The following CDH13 variants were observed in gnomAD, a reference collection of about 807,000 sequenced individuals.
CDH13 encodes cadherin 13.
A neutral mutation model predicts 63.8 loss-of-function variants in CDH13; 24 were observed. The observed-to-expected ratio is 0.38, with a 90% CI of 0.27 to 0.53. The LOEUF (loss-of-function observed/expected upper bound fraction) is 0.53, where lower values mean the gene tolerates loss of function less well. Among genes scored for constraint, CDH13 ranks in the 20% least tolerant of loss-of-function variants. The pLI, the probability that CDH13 is intolerant of heterozygous loss-of-function variation, is 0.85. For missense variants in CDH13, 1,049 were observed against 903.1 expected (o/e 1.16, Z -2.07); for synonymous variants, 503 against 355.3 (o/e 1.42, Z -4.67).
intron 2 of CDH13, among the ~76,000 whole-genome samples, chr16:83,031,201 G>T (rs1481977471): frequency 6.8e-6 from 1 of 146,954 alleles, no homozygotes; most frequent in African/African-American, 2.5e-5. Context: ...ATATACATGC[G>T]CATGTATACA....
intron 5 of CDH13, among the ~76,000 whole-genome samples, chr16:83,265,185 C>A (rs1309645485): frequency 6.6e-6 from 1 of 152,124 alleles, no homozygotes; most frequent in Non-Finnish European, 1.5e-5. Flanking sequence ...TATTTCTGCT[C>A]TAGTTTCTTC....
At chr16:83,081,309 A>G (rs1182889995) in intron 3 of CDH13, among the ~76,000 whole-genome samples, 1 of 152,168 alleles carries the variant, frequency 6.6e-6, no homozygotes, top group Non-Finnish European at 1.5e-5. Context: ...AATGGGATAG[A>G]CATGGTCTAT....
intron 6 of CDH13, among the ~76,000 whole-genome samples, chr16:83,369,212 A>T (rs903568579): frequency 1.3e-5 from 2 of 151,934 alleles, no homozygotes; most frequent in African/African-American, 4.8e-5. Context: ...ATGAAAAAAT[A>T]ATAGATGCGG....
intron 3 of CDH13, among the ~76,000 whole-genome samples, chr16:83,062,254 G>T (rs1020847455): frequency 6.6e-6 from 1 of 152,150 alleles, no homozygotes; most frequent in Non-Finnish European, 1.5e-5. Flanking sequence ...CCCCCTGTCA[G>T]TTTTCTATCA....
chr16:82,690,075 G>A lies in CDH13; in HGVS notation c.45+62938G>A, dbSNP rs889368399. 1.4e-4 allele frequency among the ~76,000 whole-genome samples: 20 copies of A among 146,380 alleles called. 1 individual carries two copies. Among genetic ancestry groups the A allele is most frequent in the African/African-American group, 4.5e-4 (18 of 39,602 alleles). On this transcript the variant is annotated intron_variant, in intron 1 of 13. Transcript: ENST00000567109. ...CTCAGCTACTTGGGAGGCTGAGGCAGGAGAATTGCTTGAACCTGGGAGGCA... is the reference window on the plus strand; with the variant it reads ...CTCAGCTACTTGGGAGGCTGAGGCAAGAGAATTGCTTGAACCTGGGAGGCA...
At chr16:83,564,448 A>G (rs1303300852) in intron 7 of CDH13, among the ~76,000 whole-genome samples, 3 of 126,608 alleles carry the variant, frequency 2.4e-5, no homozygotes, top group Non-Finnish European at 4.7e-5. Flanking sequence ...TCACTCTGTC[A>G]CCCAGGCTGG....
chr16:82,633,016 G>A (rs1343569537), intron 1 of CDH13, among the ~76,000 whole-genome samples: 1 of 152,170 alleles, frequency 6.6e-6, no homozygotes. Context: ...AGGAGGCAGA[G>A]CCCAGGCGGT....
chr16:83,570,833 T>A (rs1904527297), intron 7 of CDH13, among the ~76,000 whole-genome samples: 1 of 83,474 alleles, frequency 1.2e-5, no homozygotes, highest in South Asian at 4.0e-4. Context: ...TAAATAAAAA[T>A]TTATATTTTT....
intron 2 of CDH13, among the ~76,000 whole-genome samples, chr16:83,021,403 C>T (rs1359317155): frequency 2.0e-5 from 3 of 152,188 alleles, no homozygotes; most frequent in Non-Finnish European, 2.9e-5. Flanking sequence ...AACAACCTGC[C>T]ATGTTTTAAG....
intron 3 of CDH13, among the ~76,000 whole-genome samples, chr16:83,104,564 A>C (rs368281760): frequency 6.6e-6 from 1 of 151,428 alleles, no homozygotes; most frequent in East Asian, 1.9e-4. Context: ...AAAAGGAAGA[A>C]GAATAGTACT....
At chr16:83,718,878 A>G (rs375642969) in intron 10 of CDH13, among the ~76,000 whole-genome samples, 52 of 152,314 alleles carry the variant, frequency 3.4e-4, no homozygotes, top group African/African-American at 1.1e-3. Context: ...GAGCTGAGGT[A>G]TAAGTACCCC....
intron 1 of CDH13, among the ~76,000 whole-genome samples, chr16:82,693,486 C>T (rs763804102): frequency 2.6e-5 from 4 of 152,160 alleles, no homozygotes; most frequent in Non-Finnish European, 4.4e-5. Context: ...TAGGTCTAAA[C>T]ACTTGAGCTC....
At chr16:82,657,175 G>A (rs1430184698) in intron 1 of CDH13, among the ~76,000 whole-genome samples, 1 of 150,780 alleles carries the variant, frequency 6.6e-6, no homozygotes, top group Non-Finnish European at 1.5e-5. Context: ...CATACATTAT[G>A]TTTTTTTCCT....
intron 2 of CDH13, among the ~76,000 whole-genome samples, chr16:82,901,755 A>G (rs2041478624): frequency 6.6e-6 from 1 of 152,218 alleles, no homozygotes; most frequent in African/African-American, 2.4e-5. Flanking sequence ...ACCATATACC[A>G]GGCCCTGTGC....
chr16:83,477,686 C>A (rs2073641797), intron 6 of CDH13, among the ~76,000 whole-genome samples: 1 of 152,132 alleles, frequency 6.6e-6, no homozygotes, highest in African/African-American at 2.4e-5. Context: ...AAGTTGTAAT[C>A]TGGAGTACTC....
At chr16:83,533,221 C>T (rs897869887) in intron 7 of CDH13, among the ~76,000 whole-genome samples, 1 of 152,194 alleles carries the variant, frequency 6.6e-6, no homozygotes. Context: ...CATAGGTAAA[C>T]TTCCCCTCAA....
intron 7 of CDH13, among the ~76,000 whole-genome samples, chr16:83,563,439 A>C (rs989333481): frequency 1.2e-4 from 19 of 152,240 alleles, no homozygotes; most frequent in Admixed American, 5.2e-4. Flanking sequence ...AAGGCAATGT[A>C]CAAAGACAAA....
At chr16:83,519,141 A>G (rs2074770495) in intron 7 of CDH13, among the ~76,000 whole-genome samples, 1 of 152,192 alleles carries the variant, frequency 6.6e-6, no homozygotes, top group African/African-American at 2.4e-5. Flanking sequence ...ACTGGGACAC[A>G]CTGGAAATTT....
chr16:83,147,482 G>A, intron 4 of CDH13, among the ~76,000 whole-genome samples: 1 of 152,122 alleles, frequency 6.6e-6, no homozygotes. Context: ...AGTCATTTCT[G>A]ATCTGGTGCC....
Sources: allele counts gnomAD v4.1 joint callset (sites outside exome capture counted in the v4.1 genomes callset), GRCh38; gene constraint gnomAD v4.1.1; transcripts MANE v1.5; gene names NCBI Gene and HGNC (gene_info 2026-07-23, HGNC 2026-07-21).